The following PRDM16 variants were observed in gnomAD, a reference collection of about 807,000 sequenced individuals.
PRDM16 encodes the protein histone-lysine N-methyltransferase PRDM16.
A neutral mutation model predicts 110.6 loss-of-function variants in PRDM16; 23 were observed. The ratio of observed to expected loss-of-function variants is 0.21; its 90% confidence interval spans 0.15 to 0.29. PRDM16 has a LOEUF of 0.29. Among genes scored for constraint, PRDM16 ranks in the 10% least tolerant of loss-of-function variants. The pLI is 1.00. For missense variants in PRDM16, 1,615 were observed against 1,794.3 expected (o/e 0.90, Z 1.81); for synonymous variants, 799 against 781.8 (o/e 1.02, Z -0.37).
chr1:3,429,771 G>A (rs1302230677), intron 14 of PRDM16, among the ~76,000 whole-genome samples: 4 of 152,256 alleles, frequency 2.6e-5, no homozygotes, highest in Non-Finnish European at 5.9e-5. Flanking sequence ...AAGGCAGAAA[G>A]ACAAGAGATA....
intron 3 of PRDM16, among the ~76,000 whole-genome samples, chr1:3,346,248 TG>T (rs1477271878): frequency 1.3e-5 from 2 of 152,186 alleles, no homozygotes; most frequent in African/African-American, 4.8e-5. Context: ...CCCACGGCGG[TG>T]AGCGACGTAC....
intron 8 of PRDM16, among the ~76,000 whole-genome samples, chr1:3,410,367 GC>G (rs879371251): frequency 6.6e-5 from 10 of 152,164 alleles, no homozygotes; most frequent in Admixed American, 5.2e-4. Flanking sequence ...GCCAGCCAGA[GC>G]CGGGCACTGC....
At chr1:3,329,235 T>G (rs56368529) in intron 3 of PRDM16, among the ~76,000 whole-genome samples, 17,964 of 152,186 alleles carry the variant, frequency 0.12, 2,296 homozygotes, top group African/African-American at 0.32. Context: ...CATGGTGGTG[T>G]TCGTGGTGGC....
intron 3 of PRDM16, among the ~76,000 whole-genome samples, chr1:3,376,926 G>A (rs1483507618): frequency 2.0e-5 from 3 of 152,224 alleles, no homozygotes; most frequent in Non-Finnish European, 4.4e-5. Context: ...TTGGGCATCA[G>A]GATGGGGATT....
At chr1:3,130,921 T>A (rs957710162) in intron 1 of PRDM16, among the ~76,000 whole-genome samples, 31 of 152,266 alleles carry the variant, frequency 2.0e-4, no homozygotes, top group Middle Eastern at 3.4e-3. Flanking sequence ...TTCTGCAGGT[T>A]GTGCCCTGTT....
intron 14 of PRDM16, among the ~76,000 whole-genome samples, chr1:3,426,898 T>C (rs577389410): frequency 6.6e-6 from 1 of 152,248 alleles, no homozygotes; most frequent in East Asian, 1.9e-4. Context: ...GCCCTTTGCG[T>C]GCAGGTCCCC....
At chr1:3,396,622 G>C in intron 5 of PRDM16, 29 bp downstream of exon 5, 6 of 1,119,462 alleles carry the variant, frequency 5.4e-6, no homozygotes, top group Non-Finnish European at 6.5e-6. Flanking sequence ...ACCGGGCCAC[G>C]GCCCCTGGGA....
chr1:3,355,761 G>T (rs1232750577), intron 3 of PRDM16, among the ~76,000 whole-genome samples: 1 of 152,192 alleles, frequency 6.6e-6, no homozygotes, highest in Non-Finnish European at 1.5e-5. Flanking sequence ...CCGTTCAGGG[G>T]TTGCGGTCCA....
chr1:3,160,979 C>T (rs192757500), intron 1 of PRDM16, among the ~76,000 whole-genome samples: 8 of 152,284 alleles, frequency 5.3e-5, no homozygotes, highest in Admixed American at 1.3e-4. Flanking sequence ...CAATGCTGCC[C>T]GTCTATTCGG....
At chr1:3,254,809 T>G (rs1260280581) in intron 3 of PRDM16, among the ~76,000 whole-genome samples, 1 of 151,998 alleles carries the variant, frequency 6.6e-6, no homozygotes, top group Non-Finnish European at 1.5e-5. Context: ...AAAACTACTT[T>G]AAAGTTCATA....
chr1:3,345,813 T>C (rs1447138156), intron 3 of PRDM16, among the ~76,000 whole-genome samples: 1 of 73,490 alleles, frequency 1.4e-5, no homozygotes, highest in African/African-American at 6.2e-5. Context: ...TGGTTCCTCC[T>C]GTGCTGCCCT....
intron 3 of PRDM16, among the ~76,000 whole-genome samples, chr1:3,289,820 G>A (rs1194463728): frequency 6.6e-6 from 1 of 152,090 alleles, no homozygotes; most frequent in Non-Finnish European, 1.5e-5. Flanking sequence ...AAGAAGGCCG[G>A]GGCCCCGCTC....
Position 3,169,778 on chromosome 1 carries a change from C to T in PRDM16, c.38-16347C>T, listed in dbSNP as rs200347371. ...CAGGTGGGGAAGGGCTGGGCTCCCC[C>T]GCAGCCCCTGGTTCCCCCCGAGCCT... On this transcript the variant is annotated intron_variant, in intron 1 of 16. Transcript: ENST00000270722. 1.3e-4 allele frequency among the ~76,000 whole-genome samples: 20 copies of T among 152,334 alleles called. No individual in the cohort carries two copies. In the East Asian group the frequency reaches 3.7e-3, roughly 28 times the overall value.
At chr1:3,321,888 GTGTT>G (rs1375655444) in intron 3 of PRDM16, among the ~76,000 whole-genome samples, 2 of 151,844 alleles carry the variant, frequency 1.3e-5, no homozygotes, top group African/African-American at 4.8e-5. Flanking sequence ...GTGCATATAT[GTGTT>G]TGTGTTTGTA....
intron 3 of PRDM16, among the ~76,000 whole-genome samples, chr1:3,252,656 A>C (rs1029892486): frequency 3.3e-5 from 5 of 152,016 alleles, no homozygotes; most frequent in African/African-American, 1.2e-4. Flanking sequence ...TCCCAGGAGA[A>C]GGTTGTAGAT....
At chr1:3,154,283 C>T (rs1034600608) in intron 1 of PRDM16, among the ~76,000 whole-genome samples, 2 of 152,014 alleles carry the variant, frequency 1.3e-5, no homozygotes, top group Non-Finnish European at 2.9e-5. Flanking sequence ...CCCTGGGCGG[C>T]GTGGTGGGGG....
chr1:3,348,899 T>A (rs751622544), intron 3 of PRDM16, among the ~76,000 whole-genome samples: 1 of 151,896 alleles, frequency 6.6e-6, no homozygotes, highest in Non-Finnish European at 1.5e-5. Flanking sequence ...TGTCCTAGAG[T>A]CCGTGGTGGG....
At chr1:3,139,550 C>T (rs984054846) in intron 1 of PRDM16, among the ~76,000 whole-genome samples, 6 of 152,238 alleles carry the variant, frequency 3.9e-5, no homozygotes, top group East Asian at 1.9e-4. Context: ...CGGGGGTGCT[C>T]GGGCACTGCC....
intron 1 of PRDM16, among the ~76,000 whole-genome samples, chr1:3,076,271 G>A (rs763173863): frequency 2.0e-5 from 3 of 152,198 alleles, no homozygotes; most frequent in East Asian, 1.9e-4. Flanking sequence ...CCCTGGCCAC[G>A]TCTGCACTGA....
Sources: allele counts gnomAD v4.1 joint callset (sites outside exome capture counted in the v4.1 genomes callset), GRCh38; gene constraint gnomAD v4.1.1; transcripts MANE v1.5; gene names NCBI Gene and HGNC (gene_info 2026-07-23, HGNC 2026-07-21).